Variants in EVC2 observed in about 807,000 individuals in gnomAD.
EVC2 encodes the protein limbin.
A neutral mutation model predicts 149.3 loss-of-function variants in EVC2; 148 were observed. The ratio of observed to expected loss-of-function variants is 0.99; its 90% CI spans 0.87 to 1.14. The LOEUF (loss-of-function observed/expected upper bound fraction) is 1.14, where lower values mean the gene tolerates loss of function less well. Among genes scored for constraint, EVC2 ranks in the 50% most tolerant of loss-of-function variants. The pLI, the probability that EVC2 is intolerant of heterozygous loss-of-function variation, is 0.00. For missense variants in EVC2, 1,854 were observed against 1,627.3 expected, an observed-to-expected ratio of 1.14 and a Z score of -2.40; for synonymous variants, 776 against 649.9, an observed-to-expected ratio of 1.19 and a Z score of -2.95.
At chr4:5,660,751 C>G (rs1193291184) in intron 9 of EVC2, among the ~76,000 whole-genome samples, 1 of 152,140 alleles carries the variant, frequency 6.6e-6, no homozygotes, top group Non-Finnish European at 1.5e-5. Context: ...GTTACGGGTT[C>G]CCCATTTGAG....
intron 17 of EVC2, among the ~76,000 whole-genome samples, chr4:5,581,856 G>A (rs1015889516): frequency 6.6e-6 from 1 of 152,220 alleles, no homozygotes; most frequent in African/African-American, 2.4e-5. Context: ...CCTGCTCCCT[G>A]CATCCAGCCT....
intron 16 of EVC2, among the ~76,000 whole-genome samples, chr4:5,585,734 C>T (rs1047027382): frequency 2.0e-5 from 3 of 152,078 alleles, no homozygotes; most frequent in African/African-American, 7.2e-5. Context: ...CTTGGTAATC[C>T]CACCCCCTGC....
chr4:5,594,603 T>C lies in EVC2; in HGVS notation c.2830-9753A>G, dbSNP rs186917936. Among the ~76,000 whole-genome samples, 1,155 of 151,836 alleles carry C rather than the reference T, an allele frequency of 7.6e-3. 13 individuals carry two copies. Among genetic ancestry groups the C allele is most frequent in the African/African-American group, 0.026 (1,088 of 41,370 alleles). On this transcript the variant is annotated intron_variant, in intron 16 of 21. Transcript: ENST00000344408. ...ACCATCATCAAAGACCAAAAGTAAA[T>C]AAAACCACAAAGATGGGGAAAAAAC...
intron 9 of EVC2, among the ~76,000 whole-genome samples, chr4:5,652,461 A>G (rs910653501): frequency 6.6e-6 from 1 of 152,212 alleles, no homozygotes; most frequent in African/African-American, 2.4e-5. Context: ...GCTGTAACAA[A>G]GTAACACAAA....
chr4:5,674,967 G>A (rs2151717685), intron 7 of EVC2, among the ~76,000 whole-genome samples: 1 of 152,300 alleles, frequency 6.6e-6, no homozygotes, highest in African/African-American at 2.4e-5. Context: ...GTGCAATTGT[G>A]TACAAGCCCC....
At chr4:5,611,133 A>G (rs865920137) in intron 16 of EVC2, among the ~76,000 whole-genome samples, 2 of 152,138 alleles carry the variant, frequency 1.3e-5, no homozygotes, top group African/African-American at 4.8e-5. Context: ...GTTATGGAAG[A>G]AGTGATAACT....
At chr4:5,665,934 G>C (rs1003631543) in intron 7 of EVC2, among the ~76,000 whole-genome samples, 4 of 152,142 alleles carry the variant, frequency 2.6e-5, no homozygotes, top group Non-Finnish European at 5.9e-5. Context: ...AGACACTCAA[G>C]AATGTTAAGT....
chr4:5,604,519 G>A (rs1018913327), intron 16 of EVC2, among the ~76,000 whole-genome samples: 22 of 152,280 alleles, frequency 1.4e-4, no homozygotes, highest in African/African-American at 5.3e-4. Flanking sequence ...TGGAGGTAGA[G>A]GGTGGAAGGA....
intron 4 of EVC2, among the ~76,000 whole-genome samples, chr4:5,690,412 T>TG (rs1392002076): frequency 2.6e-5 from 4 of 151,828 alleles, no homozygotes; most frequent in Non-Finnish European, 2.9e-5. Context: ...GTTGTTTTTT[T>TG]TTTTTTTTTT....
chr4:5,591,552 G>C (rs1441423827), intron 16 of EVC2, among the ~76,000 whole-genome samples: 2 of 152,136 alleles, frequency 1.3e-5, no homozygotes, highest in African/African-American at 2.4e-5. Flanking sequence ...AGGCCGTAAG[G>C]AAAAGCTAAA....
chr4:5,667,549 C>G (rs1464420556), intron 7 of EVC2, among the ~76,000 whole-genome samples: 3 of 152,092 alleles, frequency 2.0e-5, no homozygotes, highest in Non-Finnish European at 2.9e-5. Flanking sequence ...CCAAGGCCAC[C>G]TGCATACAAT....
At chr4:5,651,246 T>TGATA (rs59468195) in intron 9 of EVC2, among the ~76,000 whole-genome samples, 99,207 of 151,290 alleles carry the variant, frequency 0.66, 32,684 homozygotes, top group African/African-American at 0.72. Flanking sequence ...GAAGTATGGA[T>TGATA]GATAGATGGG....
chr4:5,640,574 G>A lies in EVC2; in HGVS notation c.1410C>T (p.Tyr470=). The part of the protein sequence containing the change: ...LETRKKMENQ[Y]QREMMAMEEA... ...CCTCCATTGCCATCATCTCTCTCTG[G>A]TACTGGTTTTCCATCTTCTTTCTTG... Residue 470 remains tyrosine, a synonymous_variant, in exon 10 of 22, where the codon TAC becomes TAT. Coordinates refer to ENST00000344408, the MANE Select transcript of EVC2 (RefSeq NM_147127.5). The surrounding 1 kb of genome is among the most constrained non-coding windows in gnomAD (Gnocchi z 4.6). 1 of 1,614,050 alleles carries A rather than the reference G, an allele frequency of 6.2e-7. No individual in the cohort carries two copies. Among genetic ancestry groups the A allele is most frequent in the Non-Finnish European group, 8.5e-7 (1 of 1,180,014 alleles).
At chr4:5,708,723 C>G, upstream of EVC2, 1 of 449,770 alleles carries the variant, frequency 2.2e-6, no homozygotes, top group South Asian at 4.8e-5. Context: ...CCCAGGCGCC[C>G]GGCGGCCAGG....
chr4:5,645,249 C>CT lies in EVC2; in HGVS notation c.1146-4412dup, dbSNP rs11351682. On this transcript the variant is annotated intron_variant, in intron 9 of 21. Transcript: ENST00000344408. ...CATCTAATGATTTTAACATCCACCT[C>CT]TTTTTTTTTTTTTTTTCTTAACTTT... 1.2e-3 allele frequency among the ~76,000 whole-genome samples: 163 copies of CT among 141,004 alleles called. 1 individual carries two copies. The highest frequency in any genetic ancestry group is 4.8e-3 in the Admixed American group (68 of 14,150). The allele number at this position is 141,004 out of a possible 152,430, so 92.5% of individuals were successfully genotyped here. A position where few individuals can be genotyped will look rare whatever the true frequency, so the allele number is the denominator to read the frequency against.
In EVC2 at chr4:5,696,003, T is replaced by C. The variant is rs1721453421; in HGVS notation, c.284-1502A>G. ...GGTTGGGATGGGATAAGGGCTCCAA[T>C]TGCATCAAGCATCGGGGAACTGATG... On this transcript the variant is annotated intron_variant, in intron 2 of 21. Coordinates refer to ENST00000344408, the MANE Select transcript of EVC2 (RefSeq NM_147127.5). This position sits in a 1 kb window ranked among gnomAD's most constrained non-coding sequence, Gnocchi z 4.1. Among the ~76,000 whole-genome samples, 1 of 152,174 alleles carries C rather than the reference T, an allele frequency of 6.6e-6. No homozygotes were observed. The highest frequency in any genetic ancestry group is 2.4e-5 in the African/African-American group (1 of 41,448).
At chr4:5,561,961 C>T (rs575171091), downstream of EVC2, among the ~76,000 whole-genome samples, 5 of 152,148 alleles carry the variant, frequency 3.3e-5, no homozygotes, top group South Asian at 2.1e-4. Flanking sequence ...ATTATTTGCC[C>T]GGCTGACACC....
Position 5,685,443 on chromosome 4 carries a change from A to G in EVC2, c.743T>C (p.Leu248Pro). Residue 248 changes from leucine (L) to proline (P), a missense_variant, in exon 6 of 22, where the codon CTC (leucine) becomes CCC (proline). By Grantham distance (98) the Leu-to-Pro change is moderately conservative (BLOSUM62 -3). Transcript: ENST00000344408. ...DAFAVSYAATLQAGDLGNGES... is the reference protein window; with the variant it reads ...DAFAVSYAATPQAGDLGNGES... ...CCCGTTCCCGAGGTCTCCAGCCTGG[A>G]GCGTGGCTGCGTAGCTGACAGCAAA... 1 of 1,614,184 alleles carries G rather than the reference A, an allele frequency of 6.2e-7. No homozygotes were observed. The highest frequency in any genetic ancestry group is 8.5e-7 in the Non-Finnish European group (1 of 1,180,030).
intron 19 of EVC2, among the ~76,000 whole-genome samples, chr4:5,572,447 C>T (rs1326867227): frequency 6.6e-6 from 1 of 152,168 alleles, no homozygotes; most frequent in African/African-American, 2.4e-5. Flanking sequence ...AGGGAACTAG[C>T]TTAGCCCTTT....
Sources: allele counts gnomAD v4.1 joint callset (sites outside exome capture counted in the v4.1 genomes callset), GRCh38; gene constraint gnomAD v4.1.1; non-coding constraint Gnocchi (gnomAD v3.1); transcripts MANE v1.5; gene names NCBI Gene and HGNC (gene_info 2026-07-23, HGNC 2026-07-21).